The following SCP2 variants were observed in gnomAD, a reference collection of about 807,000 sequenced individuals.
The protein encoded by SCP2 is sterol carrier protein 2.
In SCP2, 48 loss-of-function variants were observed where a neutral mutation model predicts 71.4. The observed-to-expected ratio is 0.67, with a 90% CI of 0.53 to 0.86. SCP2 has a LOEUF of 0.86. Among genes scored for constraint, SCP2 ranks in the 40% least tolerant of loss-of-function variants. SCP2 has a pLI of 0.00. For synonymous variants in SCP2, 220 were observed against 218.1 expected, an observed-to-expected ratio of 1.01 and a Z score of -0.08; for missense variants, 560 against 655.6, an observed-to-expected ratio of 0.85 and a Z score of 1.59.
Position 52,970,565 on chromosome 1 carries a change from C to T in SCP2, c.524-4204C>T, listed in dbSNP as rs150124431. On this transcript the variant is annotated intron_variant, in intron 6 of 15. Coordinates refer to ENST00000371514, the MANE Select transcript of SCP2 (RefSeq NM_002979.5). ...TTTTTTTTTCCTCTCAGAACTTATA[C>T]CTTTAAGATTCCCACCTCAGATCTC... Among the ~76,000 whole-genome samples the T allele has an allele frequency of 6.6e-4, 101 of 152,056 alleles. No homozygotes were observed. The East Asian group carries it at 0.018, about 27-fold the overall frequency.
chr1:52,978,371 T>G lies in SCP2; in HGVS notation c.825+4T>G, dbSNP rs1360582997. The G allele has an allele frequency of 1.2e-6, 2 of 1,609,454 alleles. No homozygotes were observed. The highest frequency in any genetic ancestry group is 4.5e-5 in the East Asian group (2 of 44,864). On this transcript the variant is annotated splice_donor_region_variant and intron_variant, in intron 9 of 15. Transcript: ENST00000371514. ...AGAAAAAAGCATTATTAAAATGGTA[T>G]GTCTGAGATTCTATTTGTTATTTTT...
chr1:53,050,993 T>A lies in SCP2; in HGVS notation c.*289T>A. ...CAGAATAAAATTAGGAACAGTAAAATCCAAAGAACTATGTAAACAAAAAAG... is the reference window on the plus strand; with the variant it reads ...CAGAATAAAATTAGGAACAGTAAAAACCAAAGAACTATGTAAACAAAAAAG... On this transcript the variant is annotated 3_prime_UTR_variant, in exon 16 of 16. Transcript: ENST00000371514. The A allele has an allele frequency of 3.9e-6, 1 of 256,444 alleles. No homozygotes were observed. Among genetic ancestry groups the A allele is most frequent in the Non-Finnish European group, 7.6e-6 (1 of 132,066 alleles). 15.9% of individuals were successfully genotyped at this position (256,444 alleles called of 1,614,324 possible).
intron 12 of SCP2, among the ~76,000 whole-genome samples, chr1:53,017,774 C>T (rs972932459): frequency 2.6e-5 from 4 of 152,124 alleles, no homozygotes; most frequent in African/African-American, 7.2e-5. Context: ...ATAAAGACAA[C>T]AAGAAGCAAT....
chr1:53,034,115 T>G (rs770372797), intron 13 of SCP2, among the ~76,000 whole-genome samples: 12 of 151,824 alleles, frequency 7.9e-5, no homozygotes, highest in Non-Finnish European at 1.6e-4. Context: ...AACACCAAAA[T>G]TTTTAGTACT....
At chr1:52,939,904 A>G (rs1654067932) in intron 1 of SCP2, among the ~76,000 whole-genome samples, 1 of 152,068 alleles carries the variant, frequency 6.6e-6, no homozygotes, top group Admixed American at 6.5e-5. Context: ...TCCTGACCTC[A>G]AATGATCCAC....
Position 52,947,947 on chromosome 1 carries a change from T to C in SCP2, c.128-62T>C, listed in dbSNP as rs1270660842. 2.6e-6 allele frequency: 3 copies of C among 1,142,914 alleles called. No individual in the cohort carries two copies. In the Admixed American group the frequency reaches 5.1e-5, roughly 19 times the overall value. 70.8% of individuals were successfully genotyped at this position (1,142,914 alleles called of 1,614,324 possible). On this transcript the variant is annotated intron_variant, in intron 2 of 15. Coordinates refer to ENST00000371514, the MANE Select transcript of SCP2 (RefSeq NM_002979.5). Reference sequence around the variant, plus strand: ...TACTTTGAGAAAACTCTAAACTTAATTTTCACTCTCCTAAAACAAATACTT... The same window carrying C: ...TACTTTGAGAAAACTCTAAACTTAACTTTCACTCTCCTAAAACAAATACTT...
intron 1 of SCP2, among the ~76,000 whole-genome samples, chr1:52,938,353 A>T (rs1653921454): frequency 6.6e-6 from 1 of 152,216 alleles, no homozygotes; most frequent in South Asian, 2.1e-4. Context: ...TCAAAAGAAT[A>T]TTCAAAGCCA....
rs570824821 is a variant in SCP2 at position 52,952,381 on chromosome 1, G to A, written c.331+1495G>A. Reference sequence around the variant, plus strand: ...AAAATAGATGGACTGTATTTTAAACGTACAAGAAAAATAAAAAATAAAATA... The same window carrying A: ...AAAATAGATGGACTGTATTTTAAACATACAAGAAAAATAAAAAATAAAATA... On this transcript the variant is annotated intron_variant, in intron 4 of 15. Transcript: ENST00000371514. Among the ~76,000 whole-genome samples the A allele has an allele frequency of 3.3e-5, 5 of 151,946 alleles. No individual in the cohort carries two copies. In the East Asian group the frequency reaches 7.7e-4, roughly 24 times the overall value.
intron 6 of SCP2, among the ~76,000 whole-genome samples, chr1:52,972,046 T>G (rs914533725): frequency 3.9e-5 from 6 of 152,120 alleles, no homozygotes; most frequent in Admixed American, 3.3e-4. Context: ...AGGCTATCAT[T>G]TGGGGGTATT....
At chr1:53,020,385 C>T (rs1661635596) in intron 12 of SCP2, among the ~76,000 whole-genome samples, 2 of 152,140 alleles carry the variant, frequency 1.3e-5, no homozygotes, top group African/African-American at 2.4e-5. Flanking sequence ...TTTTATTTCC[C>T]AGTGCATTTT....
chr1:53,006,180 ATGGAACCAAGT>A lies in SCP2; in HGVS notation c.1082-8704_1082-8694del, dbSNP rs1257093597. Among the ~76,000 whole-genome samples the A allele has an allele frequency of 3.2e-4, 48 of 152,360 alleles. No homozygotes were observed. In the South Asian group the frequency reaches 9.9e-3, roughly 32 times the overall value. ...GGTGTACCTGAAAGTGAGGGGGAGA[ATGGAACCAAGT>A]TGGAAAACACTCTTCAGGATATTAT... On this transcript the variant is annotated intron_variant, in intron 11 of 15. Coordinates refer to ENST00000371514, the MANE Select transcript of SCP2 (RefSeq NM_002979.5).
chr1:53,016,039 CT>C (rs72193726), intron 12 of SCP2, among the ~76,000 whole-genome samples: 21,770 of 151,476 alleles, frequency 0.14, 2,273 homozygotes, highest in East Asian at 0.33. Context: ...AGACACACTT[CT>C]TTTTTTTTAT....
intron 1 of SCP2, among the ~76,000 whole-genome samples, chr1:52,928,080 C>T (rs1004480217): frequency 1.3e-5 from 2 of 152,202 alleles, no homozygotes; most frequent in Non-Finnish European, 2.9e-5. Context: ...CTGTTTGTAC[C>T]GTGTATCTTC....
intron 11 of SCP2, among the ~76,000 whole-genome samples, chr1:53,013,355 G>A (rs1219222282): frequency 6.7e-6 from 1 of 150,130 alleles, no homozygotes; most frequent in African/African-American, 2.4e-5. Context: ...GGAGGCCAAG[G>A]TGGGCAGATC....
At chr1:53,006,230 C>G (rs549558259) in intron 11 of SCP2, among the ~76,000 whole-genome samples, 35 of 152,212 alleles carry the variant, frequency 2.3e-4, no homozygotes, top group African/African-American at 8.4e-4. Context: ...GGAGAACTTC[C>G]CCAACCTAGC....
At chr1:52,998,968 A>G (rs1325676055) in intron 11 of SCP2, among the ~76,000 whole-genome samples, 3 of 152,220 alleles carry the variant, frequency 2.0e-5, no homozygotes, top group African/African-American at 7.2e-5. Flanking sequence ...TCAAAGAGAT[A>G]CCTCAGGAAA....
chr1:53,017,632 T>G (rs1000349778), intron 12 of SCP2, among the ~76,000 whole-genome samples: 1 of 152,206 alleles, frequency 6.6e-6, no homozygotes, highest in Non-Finnish European at 1.5e-5. Flanking sequence ...ATTTTCTTTT[T>G]AATGGAAAAC....
chr1:52,939,786 C>G (rs1572050978), intron 1 of SCP2, among the ~76,000 whole-genome samples: 1 of 152,130 alleles, frequency 6.6e-6, no homozygotes, highest in African/African-American at 2.4e-5. Context: ...TTTCCTGTCT[C>G]AGCCTCCCGA....
intron 6 of SCP2, among the ~76,000 whole-genome samples, chr1:52,967,716 G>A (rs1283195918): frequency 1.3e-5 from 2 of 152,158 alleles, no homozygotes; most frequent in African/African-American, 4.8e-5. Context: ...CAAGCACCCT[G>A]AGCTTTTACA....
Sources: allele counts gnomAD v4.1 joint callset (sites outside exome capture counted in the v4.1 genomes callset), GRCh38; gene constraint gnomAD v4.1.1; transcripts MANE v1.5; gene names NCBI Gene and HGNC (gene_info 2026-07-23, HGNC 2026-07-21).